SERPINB9: variants seen among roughly 807,000 people sequenced by gnomAD.
SERPINB9 encodes serpin family B member 9.
A neutral mutation model predicts 27.2 loss-of-function variants in SERPINB9; 20 were observed. That is an observed-to-expected ratio of 0.74 (90% CI 0.52 to 1.07). SERPINB9 has a LOEUF of 1.07. SERPINB9 is among the 50% of genes least tolerant of loss of function. The pLI, the probability that SERPINB9 is intolerant of heterozygous loss-of-function variation, is 0.00. For missense variants in SERPINB9, 476 were observed against 460.1 expected, an observed-to-expected ratio of 1.03 and a Z score of -0.32; for synonymous variants, 189 against 180.0, an observed-to-expected ratio of 1.05 and a Z score of -0.40.
Position 2,895,489 on chromosome 6 carries a change from A to T in SERPINB9, c.326T>A (p.Leu109His), listed in dbSNP as rs1767964867. ...QFLSTFKESC[L>H]QFYHAELKEL... ...CTTCAGCTCAGCATGGTAGAATTGAAGACAGGATTCCTTAAACGTCTTTGG... is the reference window on the plus strand; with the variant it reads ...CTTCAGCTCAGCATGGTAGAATTGATGACAGGATTCCTTAAACGTCTTTGG... The change falls in exon 4 of 7, where the codon CTT becomes CAT. Residue 109 changes from leucine (L) to histidine (H), a missense_variant. By Grantham distance (99) the Leu-to-His change is moderately conservative (BLOSUM62 -3). Coordinates refer to ENST00000380698, the MANE Select transcript of SERPINB9 (RefSeq NM_004155.6). The T allele has an allele frequency of 6.2e-7, 1 of 1,613,388 alleles. No homozygotes were observed. The highest frequency in any genetic ancestry group is 8.5e-7 in the Non-Finnish European group (1 of 1,179,654).
intron 5 of SERPINB9, 74 bp from the exon 6 acceptor site, chr6:2,892,062 G>T: frequency 4.3e-6 from 5 of 1,157,518 alleles, no homozygotes; most frequent in Non-Finnish European, 5.8e-6. Context: ...AGTGTTTTCA[G>T]CACCTGTGAT....
intron 1 of SERPINB9, among the ~76,000 whole-genome samples, chr6:2,902,678 C>A (rs1169582793): frequency 1.3e-5 from 2 of 152,166 alleles, no homozygotes; most frequent in Admixed American, 6.5e-5. Context: ...CCACCATGCC[C>A]GGCTAATTTC....
chr6:2,902,340 T>C (rs1768233811), intron 1 of SERPINB9, among the ~76,000 whole-genome samples: 2 of 151,938 alleles, frequency 1.3e-5, no homozygotes, highest in South Asian at 2.1e-4. Flanking sequence ...ATCTTGCTGG[T>C]GGTCCCCACA....
In SERPINB9 at chr6:2,894,396, GT is replaced by G. The variant is rs1767923975; in HGVS notation, c.425-844del. On this transcript the variant is annotated intron_variant, in intron 4 of 6. Coordinates refer to ENST00000380698, the MANE Select transcript of SERPINB9 (RefSeq NM_004155.6). The surrounding 1 kb of genome is among the most constrained non-coding windows in gnomAD (Gnocchi z 4.7). ...ACTGGAACACGTCACTTTCTGAAAT[GT>G]AGATGAATAAGGTTCAACCCCAAAT... 6.6e-6 allele frequency among the ~76,000 whole-genome samples: 1 copy of G among 152,214 alleles called. No individual in the cohort carries two copies. The highest frequency in any genetic ancestry group is 1.5e-5 in the Non-Finnish European group (1 of 68,042).
chr6:2,892,102 CACTAAAA>C, intron 5 of SERPINB9, 114 bp from the exon 6 acceptor site: 35 of 147,764 alleles, frequency 2.4e-4, no homozygotes, highest in Middle Eastern at 1.9e-3. Flanking sequence ...CCCCAGTTAA[CACTAAAA>C]AAAAAAAAAA....
intron 2 of SERPINB9, among the ~76,000 whole-genome samples, chr6:2,897,561 G>A (rs1005612860): frequency 5.3e-5 from 8 of 152,152 alleles, no homozygotes; most frequent in South Asian, 2.1e-4. Context: ...AGACCAAAGA[G>A]TTTGGCCAAA....
At chr6:2,897,112 C>T (rs1192137212) in intron 2 of SERPINB9, among the ~76,000 whole-genome samples, 1 of 132,562 alleles carries the variant, frequency 7.5e-6, no homozygotes, top group African/African-American at 3.0e-5. Context: ...GGAGACAGAG[C>T]AAGACCATGT....
chr6:2,898,140 CA>C (rs200979124), intron 2 of SERPINB9, among the ~76,000 whole-genome samples: 45 of 140,250 alleles, frequency 3.2e-4, no homozygotes, highest in African/African-American at 1.0e-3. Flanking sequence ...AATGAATGAA[CA>C]AAAAAAAAAT....
rs35916133 is a variant in SERPINB9, at chr6:2,887,846, CA to C, written c.*2316del. 14,893 of 62,534 alleles carry C rather than the reference CA, an allele frequency of 0.24. 545 individuals carry two copies. The highest frequency in any genetic ancestry group is 0.28 in the Non-Finnish European group (9,541 of 33,498). 3.9% of individuals were successfully genotyped at this position (62,534 alleles called of 1,614,324 possible). A position where few individuals can be genotyped will look rare whatever the true frequency, so the allele number is the denominator to read the frequency against. ...TGGGTGACAGAGTGAGGCACTGTCT[CA>C]AAAAAAAAAAAAAAAAAAAAAAAGA... is the stretch of plus-strand genomic sequence containing the variant. On this transcript the variant is annotated 3_prime_UTR_variant, in exon 7 of 7. Transcript: ENST00000380698.
At chr6:2,897,223 T>C (rs1768031238) in intron 2 of SERPINB9, among the ~76,000 whole-genome samples, 1 of 152,134 alleles carries the variant, frequency 6.6e-6, no homozygotes. Flanking sequence ...CCCAGCACTT[T>C]GGGGGGCCGA....
At chr6:2,892,099 T>C in intron 5 of SERPINB9, 111 bp from the exon 6 acceptor site, 1 of 266,216 alleles carries the variant, frequency 3.8e-6, no homozygotes, top group East Asian at 1.2e-4. Flanking sequence ...ATGCCCCAGT[T>C]AACACTAAAA....
At chr6:2,892,833 CTTAA>C (rs1295232309) in intron 5 of SERPINB9, among the ~76,000 whole-genome samples, 2 of 151,864 alleles carry the variant, frequency 1.3e-5, no homozygotes, top group Non-Finnish European at 2.9e-5. Context: ...TAATGCCTGC[CTTAA>C]TTAAGTTTTA....
Position 2,891,828 on chromosome 6 carries a change from C to T in SERPINB9, c.723+5G>A. 1 of 1,592,242 alleles carries T rather than the reference C, an allele frequency of 6.3e-7. No homozygotes were observed. Among genetic ancestry groups the T allele is most frequent in the Non-Finnish European group, 8.5e-7 (1 of 1,173,414 alleles). On this transcript the variant is annotated splice_donor_5th_base_variant and intron_variant, in intron 6 of 6. Transcript: ENST00000380698. This position sits in a 1 kb window ranked among gnomAD's most constrained non-coding sequence, Gnocchi z 4.0. Reference sequence around the variant, plus strand: ...CCTGGGTTCTTCCCGCAGCCCGGGTCTTACCGTGCTGAGCTCCACGCCGTC... The same window carrying T: ...CCTGGGTTCTTCCCGCAGCCCGGGTTTTACCGTGCTGAGCTCCACGCCGTC...
Position 2,890,693 on chromosome 6 carries a change from C to T in SERPINB9, c.724-123G>A. The T allele has an allele frequency of 3.3e-6, 3 of 897,404 alleles. No individual in the cohort carries two copies. The South Asian group carries it at 5.2e-5, about 15-fold the overall frequency. The allele number at this position is 897,404 out of a possible 1,614,324, so 55.6% of individuals were successfully genotyped here. On this transcript the variant is annotated intron_variant, in intron 6 of 6. Coordinates refer to ENST00000380698, the MANE Select transcript of SERPINB9 (RefSeq NM_004155.6). The surrounding 1 kb of genome is among the most constrained non-coding windows in gnomAD (Gnocchi z 6.2). ...TTGTTTGTTCACATAGGATCAGTGGCCCCTTCATCTGCCAGAAGCTTGTGA... is the reference window on the plus strand; with the variant it reads ...TTGTTTGTTCACATAGGATCAGTGGTCCCTTCATCTGCCAGAAGCTTGTGA...
chr6:2,892,136 A>AAAAAAG (rs1157022132), intron 5 of SERPINB9, 148 bp from the exon 6 acceptor site: 1 of 718,872 alleles, frequency 1.4e-6, no homozygotes, highest in African/African-American at 2.0e-5. Flanking sequence ...AAAAAAAAAA[A>AAAAAAG]GTCAACCAGT....
In SERPINB9 at chr6:2,890,636, C is replaced by T; in HGVS notation, c.724-66G>A. The T allele has an allele frequency of 1.4e-6, 2 of 1,456,794 alleles. No individual in the cohort carries two copies. Among genetic ancestry groups the T allele is most frequent in the Non-Finnish European group, 1.9e-6 (2 of 1,065,628 alleles). 90.2% of individuals were successfully genotyped at this position (1,456,794 alleles called of 1,614,324 possible). ...GCACATGTACAAGCGCACAGGCACT[C>T]ACAGTTCCCTTCCTCCCCTTGCACG... On this transcript the variant is annotated intron_variant, in intron 6 of 6. Transcript: ENST00000380698. This position sits in a 1 kb window ranked among gnomAD's most constrained non-coding sequence, Gnocchi z 6.2.
rs1767641285 is a variant in SERPINB9 at position 2,887,595 on chromosome 6, C to T, written c.*2568G>A. The T allele has an allele frequency of 6.6e-6, 1 of 152,158 alleles. No homozygotes were observed. Among genetic ancestry groups the T allele is most frequent in the Non-Finnish European group, 1.5e-5 (1 of 68,034 alleles). The allele number at this position is 152,158 out of a possible 1,614,324, so 9.4% of individuals were successfully genotyped here. A position where few individuals can be genotyped will look rare whatever the true frequency, so the allele number is the denominator to read the frequency against. On this transcript the variant is annotated 3_prime_UTR_variant, in exon 7 of 7. Coordinates refer to ENST00000380698, the MANE Select transcript of SERPINB9 (RefSeq NM_004155.6). The stretch of plus-strand genomic sequence containing the variant: ...GGCTCAGTGGCTTATGCCTGTAATC[C>T]TAGCACTTTGGGAGGCTGAGGTAGG...
At chr6:2,896,606 T>C (rs1768008276) in intron 2 of SERPINB9, among the ~76,000 whole-genome samples, 2 of 152,198 alleles carry the variant, frequency 1.3e-5, no homozygotes. Flanking sequence ...TTGTACCCTA[T>C]AGGGACTACA....
rs1168061741 is a variant in SERPINB9, at chr6:2,894,484, C to G, written c.424+907G>C. On this transcript the variant is annotated intron_variant, in intron 4 of 6. Transcript: ENST00000380698. The surrounding 1 kb of genome is among the most constrained non-coding windows in gnomAD (Gnocchi z 4.7). ...GAGAGAGGGTCGGCAGTTAACCAAT[C>G]AAATGTAGGCTTATCAAGTCAAACT... Among the ~76,000 whole-genome samples the G allele has an allele frequency of 6.6e-6, 1 of 152,124 alleles. No homozygotes were observed. Among genetic ancestry groups the G allele is most frequent in the African/African-American group, 2.4e-5 (1 of 41,422 alleles).
Sources: gnomAD v4.1 joint callset for allele counts (sites outside exome capture counted in the v4.1 genomes callset) on GRCh38, gnomAD v4.1.1 for gene constraint, Gnocchi (gnomAD v3.1) non-coding constraint, MANE v1.5 for transcripts, NCBI Gene and HGNC (gene_info 2026-07-23, HGNC 2026-07-21) for gene names.